Variants in KLF12 observed in about 807,000 individuals in gnomAD.
KLF12 encodes KLF transcription factor 12, also known as Krueppel-like factor 12.
In KLF12, 9 loss-of-function variants were observed where a neutral mutation model predicts 37.8. The ratio of observed to expected loss-of-function variants is 0.24; its 90% CI spans 0.14 to 0.42. The LOEUF is 0.42. Among genes scored for constraint, KLF12 ranks in the 10% least tolerant of loss-of-function variants. The pLI is 1.00. For missense variants in KLF12, 411 were observed against 516.0 expected (o/e 0.80, Z 1.97); for synonymous variants, 208 against 202.1 (o/e 1.03, Z -0.25).
Position 74,072,996 on chromosome 13 carries a change from G to T in KLF12, c.-32+60743C>A, listed in dbSNP as rs79438782. 1.6e-4 allele frequency among the ~76,000 whole-genome samples: 25 copies of T among 152,238 alleles called. No individual in the cohort carries two copies. The East Asian group carries it at 4.1e-3, about 25-fold the overall frequency. Reference sequence around the variant, plus strand: ...AATCATGGCGGTGGGTTCTTCCCACGCTGTTCTCATGATTGTGAGTGTCTC... The same window carrying T: ...AATCATGGCGGTGGGTTCTTCCCACTCTGTTCTCATGATTGTGAGTGTCTC... On this transcript the variant is annotated intron_variant, in intron 1 of 7. Coordinates refer to ENST00000377669, the MANE Select transcript of KLF12 (RefSeq NM_007249.5).
chr13:73,979,785 G>A (rs1200735966), intron 2 of KLF12, among the ~76,000 whole-genome samples: 3 of 152,140 alleles, frequency 2.0e-5, no homozygotes, highest in African/African-American at 7.2e-5. Flanking sequence ...ATATGTTGAA[G>A]TCCTAACCTG....
intron 1 of KLF12, among the ~76,000 whole-genome samples, chr13:73,995,504 A>T (rs7987699): frequency 6.6e-6 from 1 of 152,138 alleles, no homozygotes; most frequent in Non-Finnish European, 1.5e-5. Flanking sequence ...AAGTAATGTC[A>T]TTTCATTGGG....
chr13:73,815,308 C>G (rs78120469), intron 4 of KLF12, among the ~76,000 whole-genome samples: 2,040 of 152,238 alleles, frequency 0.013, 41 homozygotes, highest in African/African-American at 0.046. Flanking sequence ...TTGAAGGAAC[C>G]ATTATCATTT....
At chr13:74,182,768 A>G in the KLF12 span, among the ~76,000 whole-genome samples, 1 of 152,172 alleles carries the variant, frequency 6.6e-6, no homozygotes, top group Non-Finnish European at 1.5e-5. Flanking sequence ...CATTAACAAC[A>G]TTACATGCAG....
intron 1 of KLF12, among the ~76,000 whole-genome samples, chr13:74,117,565 C>G (rs1877380482): frequency 6.6e-6 from 1 of 152,182 alleles, no homozygotes; most frequent in South Asian, 2.1e-4. Flanking sequence ...TAGTGACTCA[C>G]TTCCACAGAA....
chr13:74,238,321 G>A, the KLF12 span, among the ~76,000 whole-genome samples: 1 of 129,620 alleles, frequency 7.7e-6, no homozygotes, highest in South Asian at 2.4e-4. Context: ...GCTTTTTGAT[G>A]TGCTGCTGGA....
chr13:73,691,890 C>T lies in KLF12; in HGVS notation c.*3600G>A, dbSNP rs2296889. The T allele has an allele frequency of 0.8, 122,450 of 152,576 alleles. 49,518 individuals carry two copies. Among genetic ancestry groups the T allele is most frequent in the Non-Finnish European group, 0.85 (57,797 of 68,002 alleles). 9.5% of individuals were successfully genotyped at this position (152,576 alleles called of 1,614,324 possible). On this transcript the variant is annotated 3_prime_UTR_variant, in exon 8 of 8. Coordinates refer to ENST00000377669, the MANE Select transcript of KLF12 (RefSeq NM_007249.5). ...AATCTTTGCATAAGCTATTCCAAAT[C>T]TGAACCATAATGAAAACGGCCTTTC... is the stretch of plus-strand genomic sequence containing the variant.
At chr13:73,765,798 C>G (rs1417627069) in intron 5 of KLF12, among the ~76,000 whole-genome samples, 1 of 152,080 alleles carries the variant, frequency 6.6e-6, no homozygotes, top group African/African-American at 2.4e-5. Flanking sequence ...TATGGTCTGT[C>G]TTTAGCCAGG....
intron 2 of KLF12, among the ~76,000 whole-genome samples, chr13:73,985,153 T>G (rs1891794308): frequency 2.0e-5 from 3 of 152,238 alleles, no homozygotes; most frequent in African/African-American, 7.2e-5. Flanking sequence ...GACGAGAGTC[T>G]TCATGATTGC....
chr13:74,228,659 A>T, the KLF12 span, among the ~76,000 whole-genome samples: 1 of 152,136 alleles, frequency 6.6e-6, no homozygotes, highest in Admixed American at 6.6e-5. Context: ...TCTGAATTCA[A>T]AACTTGGATG....
chr13:73,752,725 TATATA>T (rs1157544175), intron 6 of KLF12, among the ~76,000 whole-genome samples: 1 of 21,882 alleles, frequency 4.6e-5, no homozygotes, highest in African/African-American at 2.4e-4. Context: ...CCCTTCCACA[TATATA>T]TTTTTTTTTT....
At chr13:73,806,116 CTT>C (rs372137417) in intron 5 of KLF12, among the ~76,000 whole-genome samples, 3 of 139,084 alleles carry the variant, frequency 2.2e-5, no homozygotes, top group Non-Finnish European at 1.5e-5. Flanking sequence ...TTTTTTCTTT[CTT>C]TTTTTTTTTT....
Position 73,846,245 on chromosome 13 carries a change from C to T in KLF12, c.252G>A (p.Leu84=), listed in dbSNP as rs759014411. 4 of 1,614,122 alleles carry T rather than the reference C, an allele frequency of 2.5e-6. No homozygotes were observed. The highest frequency in any genetic ancestry group is 3.4e-6 in the Non-Finnish European group (4 of 1,180,022). Residue 84 remains leucine (L), a synonymous_variant, in exon 4 of 8, where the codon TTG becomes TTA. Coordinates refer to ENST00000377669, the MANE Select transcript of KLF12 (RefSeq NM_007249.5). ...GGGACGTCCTGGCTTTGTTTATTGA[C>T]AAGTCCACTGGCTCAGTTTGTGTTT...
the KLF12 span, among the ~76,000 whole-genome samples, chr13:74,193,171 GT>G: frequency 6.6e-6 from 1 of 151,884 alleles, no homozygotes; most frequent in Non-Finnish European, 1.5e-5. Flanking sequence ...TAGAGACAGG[GT>G]TTTTGCCATA....
rs1873934795 is a variant in KLF12 at position 73,693,511 on chromosome 13, G to T, written c.*1979C>A. 1 of 152,178 alleles carries T rather than the reference G, an allele frequency of 6.6e-6. No individual in the cohort carries two copies. The highest frequency in any genetic ancestry group is 2.1e-4 in the South Asian group (1 of 4,830). The allele number at this position is 152,178 out of a possible 1,614,324, so 9.4% of individuals were successfully genotyped here. A position where few individuals can be genotyped will look rare whatever the true frequency, so the allele number is the denominator to read the frequency against. On this transcript the variant is annotated 3_prime_UTR_variant, in exon 8 of 8. Transcript: ENST00000377669. ...GAAAATCATTACACTGTTGCTTAAT[G>T]TTTTAAAAAATTCCTTTTGAATACC...
chr13:73,880,359 T>G (rs1886917032), intron 3 of KLF12, among the ~76,000 whole-genome samples: 1 of 152,196 alleles, frequency 6.6e-6, no homozygotes, highest in African/African-American at 2.4e-5. Context: ...TTAAATGAGT[T>G]AGAAGGGAGT....
rs199597796 is a variant in KLF12, at chr13:74,117,445, ATACGCATG to A, written c.-32+16286_-32+16293del. ...GCTTATGACTCCACATGTAAGATAT[ATACGCATG>A]TACCCATGCCAATATAAATTTAAAA... On this transcript the variant is annotated intron_variant, in intron 1 of 7. Transcript: ENST00000377669. Among the ~76,000 whole-genome samples the A allele has an allele frequency of 7.5e-3, 1,148 of 152,350 alleles. 10 individuals are homozygous for A. Among genetic ancestry groups the A allele is most frequent in the African/African-American group, 0.026 (1,078 of 41,580 alleles).
chr13:73,891,916 T>TA (rs1887524945), intron 3 of KLF12, among the ~76,000 whole-genome samples: 1 of 152,148 alleles, frequency 6.6e-6, no homozygotes, highest in Non-Finnish European at 1.5e-5. Flanking sequence ...AGTAACATTG[T>TA]ATCAAAAGCC....
chr13:74,252,880 T>A, the KLF12 span, among the ~76,000 whole-genome samples: 29 of 152,250 alleles, frequency 1.9e-4, no homozygotes, highest in African/African-American at 6.5e-4. Context: ...GACAAATTAT[T>A]CCAGCAAAAA....
Sources: allele counts gnomAD v4.1 joint callset (sites outside exome capture counted in the v4.1 genomes callset), GRCh38; gene constraint gnomAD v4.1.1; transcripts MANE v1.5; gene names NCBI Gene and HGNC (gene_info 2026-07-23, HGNC 2026-07-21).